The following TBC1D19 variants were observed in gnomAD, a reference collection of about 807,000 sequenced individuals.
The protein encoded by TBC1D19 is TBC1 domain family, member 19.
Under a neutral mutation model 89.0 loss-of-function variants are expected in TBC1D19, and 60 were observed. That is an observed-to-expected ratio of 0.67 (90% CI 0.55 to 0.84). TBC1D19 has a LOEUF of 0.84. Ranked by LOEUF, TBC1D19 falls within the 40% of genes least tolerant of loss-of-function variation. TBC1D19 has a pLI of 0.00. For synonymous variants in TBC1D19, 189 were observed against 199.7 expected (o/e 0.95, Z 0.45); for missense variants, 500 against 610.8 (o/e 0.82, Z 1.91).
intron 3 of TBC1D19, among the ~76,000 whole-genome samples, chr4:26,618,003 C>T (rs757463662): frequency 6.6e-6 from 1 of 152,168 alleles, no homozygotes; most frequent in Non-Finnish European, 1.5e-5. Context: ...AGTCTTCGTA[C>T]ACATTCATGG....
chr4:26,842,591 T>TCTTC, the TBC1D19 span, among the ~76,000 whole-genome samples: 1 of 86,742 alleles, frequency 1.2e-5, no homozygotes, highest in Non-Finnish European at 2.4e-5. Context: ...TCCCTTTCTT[T>TCTTC]CTTTCTTTCT....
upstream of TBC1D19, among the ~76,000 whole-genome samples, chr4:26,581,256 G>A (rs143736631): frequency 3.4e-4 from 52 of 152,250 alleles, no homozygotes; most frequent in African/African-American, 1.1e-3. Flanking sequence ...TGTGCAGAAC[G>A]TGCAGGTTCG....
chr4:26,783,208 G>A, the TBC1D19 span, among the ~76,000 whole-genome samples: 174 of 152,282 alleles, frequency 1.1e-3, no homozygotes, highest in African/African-American at 4.0e-3. Flanking sequence ...TACATACAGT[G>A]CTTTGAAGAA....
chr4:26,699,402 T>G (rs1577953708), intron 13 of TBC1D19, among the ~76,000 whole-genome samples: 1 of 152,202 alleles, frequency 6.6e-6, no homozygotes, highest in East Asian at 1.9e-4. Flanking sequence ...GGAACACTTT[T>G]ACACTGTTGG....
chr4:26,804,693 C>G, the TBC1D19 span, among the ~76,000 whole-genome samples: 22,769 of 152,156 alleles, frequency 0.15, 2,146 homozygotes, highest in Middle Eastern at 0.23. Flanking sequence ...GCGGCGGGCC[C>G]GGGTTTGCCA....
the TBC1D19 span, among the ~76,000 whole-genome samples, chr4:26,814,366 G>T: frequency 6.6e-6 from 1 of 152,182 alleles, no homozygotes; most frequent in Non-Finnish European, 1.5e-5. Flanking sequence ...AGGAATTCAA[G>T]AGCTCTTGAG....
At chr4:26,635,066 A>G (rs1743039107) in intron 4 of TBC1D19, among the ~76,000 whole-genome samples, 1 of 152,286 alleles carries the variant, frequency 6.6e-6, no homozygotes, top group East Asian at 1.9e-4. Context: ...ATTTGTAACC[A>G]TAATTTAATA....
intron 1 of TBC1D19, among the ~76,000 whole-genome samples, chr4:26,603,273 A>G (rs1268493670): frequency 6.6e-6 from 1 of 152,210 alleles, no homozygotes; most frequent in Non-Finnish European, 1.5e-5. Flanking sequence ...ATTTAATGAT[A>G]TGTTTTCACT....
At chr4:26,756,834 C>T (rs1399987677), downstream of TBC1D19, among the ~76,000 whole-genome samples, 1 of 152,094 alleles carries the variant, frequency 6.6e-6, no homozygotes, top group East Asian at 1.9e-4. Flanking sequence ...TGGACCATGC[C>T]ATAGCAGATC....
At chr4:26,636,823 A>G (rs1018958759) in intron 4 of TBC1D19, among the ~76,000 whole-genome samples, 1 of 152,106 alleles carries the variant, frequency 6.6e-6, no homozygotes, top group Non-Finnish European at 1.5e-5. Context: ...TTTACCTTTT[A>G]CTAGATCATT....
At chr4:26,841,436 C>A in the TBC1D19 span, among the ~76,000 whole-genome samples, 122,947 of 150,780 alleles carry the variant, frequency 0.82, 50,475 homozygotes, top group Middle Eastern at 0.96. Context: ...GCCTGTTACC[C>A]CCTGTGATCC....
chr4:26,839,696 C>G, the TBC1D19 span, among the ~76,000 whole-genome samples: 1 of 152,208 alleles, frequency 6.6e-6, no homozygotes, highest in African/African-American at 2.4e-5. Flanking sequence ...TCCCAAAACT[C>G]CATTCAGATT....
intron 13 of TBC1D19, among the ~76,000 whole-genome samples, chr4:26,700,359 C>G (rs1258264966): frequency 6.6e-6 from 1 of 152,164 alleles, no homozygotes; most frequent in African/African-American, 2.4e-5. Flanking sequence ...GAAACTATCT[C>G]AAAAGTGCTG....
At chr4:26,721,558 A>G (rs190151929) in intron 15 of TBC1D19, among the ~76,000 whole-genome samples, 2 of 152,202 alleles carry the variant, frequency 1.3e-5, no homozygotes, top group Admixed American at 6.5e-5. Flanking sequence ...AGTCTTTTCT[A>G]GTTTTGCTGT....
chr4:26,740,602 T>C lies in TBC1D19; in HGVS notation c.1227+629T>C, dbSNP rs980708644. 11 of 960,338 alleles carry C rather than the reference T, an allele frequency of 1.1e-5. No homozygotes were observed. The African/African-American group carries it at 1.4e-4, about 12-fold the overall frequency. 59.5% of individuals were successfully genotyped at this position (960,338 alleles called of 1,614,324 possible). A position where few individuals can be genotyped will look rare whatever the true frequency, so the allele number is the denominator to read the frequency against. ...GAGTTGAACATTTTAATCTGTTCTC[T>C]TTTGGCTGTTCCTTTATCATATCTT... On this transcript the variant is annotated intron_variant, in intron 17 of 20. Transcript: ENST00000264866.
intron 7 of TBC1D19, among the ~76,000 whole-genome samples, chr4:26,640,712 G>A (rs533892368): frequency 1.3e-5 from 2 of 152,314 alleles, no homozygotes; most frequent in African/African-American, 4.8e-5. Flanking sequence ...TAAACACTGC[G>A]ATTTTCCAAC....
intron 1 of TBC1D19, among the ~76,000 whole-genome samples, chr4:26,610,251 C>T (rs765582871): frequency 6.6e-6 from 1 of 151,834 alleles, no homozygotes; most frequent in African/African-American, 2.4e-5. Context: ...GTTATAGATA[C>T]AAATCTATAA....
In TBC1D19 at chr4:26,750,216, C is replaced by A. The variant is rs553367157; in HGVS notation, c.1435+1690C>A. On this transcript the variant is annotated intron_variant, in intron 19 of 20. Coordinates refer to ENST00000264866, the MANE Select transcript of TBC1D19 (RefSeq NM_018317.4). ...GTCTTCTATTTTCCAAGCTAAGTAGCCTTGTTTTCTACTGTCATTTCTCAA... is the reference window on the plus strand; with the variant it reads ...GTCTTCTATTTTCCAAGCTAAGTAGACTTGTTTTCTACTGTCATTTCTCAA... Among the ~76,000 whole-genome samples the A allele has an allele frequency of 2.6e-5, 4 of 152,284 alleles. No homozygotes were observed. In the East Asian group the frequency reaches 5.8e-4, roughly 22 times the overall value.
chr4:26,639,636 C>T (rs957041101), intron 6 of TBC1D19, among the ~76,000 whole-genome samples: 2 of 151,918 alleles, frequency 1.3e-5, no homozygotes, highest in African/African-American at 4.8e-5. Flanking sequence ...TGATAGATGC[C>T]TATAATTGTA....
Sources: gnomAD v4.1 joint callset for allele counts (sites outside exome capture counted in the v4.1 genomes callset) on GRCh38, gnomAD v4.1.1 for gene constraint, MANE v1.5 for transcripts, NCBI Gene and HGNC (gene_info 2026-07-23, HGNC 2026-07-21) for gene names.